The following ADCK2 variants were observed in gnomAD, a reference collection of about 807,000 sequenced individuals.
The protein encoded by ADCK2 is uncharacterized aarF domain-containing protein kinase 2.
ADCK2 carries 37 observed loss-of-function variants against 52.3 expected under a neutral mutation model. The ratio of observed to expected loss-of-function variants is 0.71; its 90% CI spans 0.54 to 0.93. The LOEUF (loss-of-function observed/expected upper bound fraction) is 0.93, where lower values mean the gene tolerates loss of function less well. Among genes scored for constraint, ADCK2 ranks in the 40% least tolerant of loss-of-function variants. The probability of loss-of-function intolerance (pLI) is 0.00; values close to 1 mark genes in which losing one functional copy is unlikely to be tolerated. For synonymous variants in ADCK2, 321 were observed against 349.2 expected, an observed-to-expected ratio of 0.92 and a Z score of 0.90; for missense variants, 695 against 798.7, an observed-to-expected ratio of 0.87 and a Z score of 1.56.
chr7:140,680,843 A>C (rs904182296), intron 3 of ADCK2, among the ~76,000 whole-genome samples, 199 bp from the exon 4 acceptor site: 1 of 152,092 alleles, frequency 6.6e-6, no homozygotes, highest in African/African-American at 2.4e-5. Context: ...CCTGGGCTCA[A>C]GCAATCCTCC....
chr7:140,682,412 G>T (rs1475626194), intron 4 of ADCK2, among the ~76,000 whole-genome samples: 1 of 152,132 alleles, frequency 6.6e-6, no homozygotes, highest in African/African-American at 2.4e-5. Flanking sequence ...AGAGACGAAA[G>T]CACTTAGTAT....
rs1794463779 is a variant in ADCK2, at chr7:140,678,637, C to T, written c.1081-518C>T. Among the ~76,000 whole-genome samples the T allele has an allele frequency of 6.6e-6, 1 of 152,146 alleles. No homozygotes were observed. Among genetic ancestry groups the T allele is most frequent in the South Asian group, 2.1e-4 (1 of 4,828 alleles). On this transcript the variant is annotated intron_variant, in intron 2 of 7. Transcript: ENST00000072869. This position sits in a 1 kb window ranked among gnomAD's most constrained non-coding sequence, Gnocchi z 4.9. ...AGCAGCGGCACCAGCCCTGGATGCC[C>T]ACAGAGGTTGATGATAAACCTGGAA...
intron 7 of ADCK2, among the ~76,000 whole-genome samples, chr7:140,692,467 C>T (rs1450340115): frequency 2.6e-5 from 4 of 152,210 alleles, no homozygotes; most frequent in Non-Finnish European, 4.4e-5. Flanking sequence ...AAGCAATTCT[C>T]GTGCCTCAGC....
chr7:140,694,124 C>T (rs1372059412), intron 7 of ADCK2, among the ~76,000 whole-genome samples: 3 of 152,110 alleles, frequency 2.0e-5, no homozygotes, highest in Non-Finnish European at 4.4e-5. Context: ...AGTTCGAGAT[C>T]AGCCTCGTCA....
At chr7:140,685,373 C>A (rs1429035131) in intron 4 of ADCK2, among the ~76,000 whole-genome samples, 1 of 151,918 alleles carries the variant, frequency 6.6e-6, no homozygotes, top group Admixed American at 6.6e-5. Context: ...TCGCTTGAAC[C>A]CAAGAAGTGG....
Position 140,694,537 on chromosome 7 carries a change from G to C in ADCK2, c.1741-126G>C, listed in dbSNP as rs1423370885. ...GACGCGGTAGAGAAGAGAATGTCAG[G>C]TAGATGGTAAACATCCCGTGGGCAG... On this transcript the variant is annotated intron_variant, in intron 7 of 7. Transcript: ENST00000072869. The C allele has an allele frequency of 9.1e-6, 8 of 874,922 alleles. No individual in the cohort carries two copies. In the Admixed American group the frequency reaches 1.9e-4, roughly 21 times the overall value. 54.2% of individuals were successfully genotyped at this position (874,922 alleles called of 1,614,324 possible).
chr7:140,679,662 CTTTTTTTTTTTTT>C lies in ADCK2; in HGVS notation c.1209+395_1209+407del, dbSNP rs57302302. 8.0e-5 allele frequency among the ~76,000 whole-genome samples: 6 copies of C among 75,370 alleles called. 1 individual carries two copies. The East Asian group carries it at 9.2e-4, about 12-fold the overall frequency. The allele number at this position is 75,370 out of a possible 152,430, so 49.4% of individuals were successfully genotyped here. A position where few individuals can be genotyped will look rare whatever the true frequency, so the allele number is the denominator to read the frequency against. On this transcript the variant is annotated intron_variant, in intron 3 of 7. Transcript: ENST00000072869. ...TCTACTCTAGTTCAGCCTTCTCTCT[CTTTTTTTTTTTTT>C]TTTTTTTTTTTTTTTGAGATAGAGT... is the stretch of plus-strand genomic sequence containing the variant.
In ADCK2 at chr7:140,678,540, C is replaced by T. The variant is rs946872188; in HGVS notation, c.1081-615C>T. ...AGGAGACCCAGCCAAGACAGGACAG[C>T]GAGAGGCAGCAGGGGTGCCAGGAGA... On this transcript the variant is annotated intron_variant, in intron 2 of 7. Coordinates refer to ENST00000072869, the MANE Select transcript of ADCK2 (RefSeq NM_052853.4). This position sits in a 1 kb window ranked among gnomAD's most constrained non-coding sequence, Gnocchi z 4.9. Among the ~76,000 whole-genome samples the T allele has an allele frequency of 3.3e-5, 5 of 152,072 alleles. No homozygotes were observed. Among genetic ancestry groups the T allele is most frequent in the African/African-American group, 7.2e-5 (3 of 41,394 alleles).
At chr7:140,690,850 T>C (rs1295805056) in intron 7 of ADCK2, 37 bp downstream of exon 7, 4 of 1,599,970 alleles carry the variant, frequency 2.5e-6, no homozygotes, top group Non-Finnish European at 3.4e-6. Context: ...CTGGGGAAGG[T>C]GGGACGGGGC....
intron 7 of ADCK2, 75 bp downstream of exon 7, chr7:140,690,888 T>C: frequency 1.5e-6 from 2 of 1,318,464 alleles, no homozygotes; most frequent in South Asian, 1.3e-5. Context: ...CACAGGGTGG[T>C]GGGAGGCGCT....
In ADCK2 at chr7:140,687,177, C is replaced by T. The variant is rs146236319; in HGVS notation, c.1493C>T (p.Ala498Val). ...RLVLLDAGIVAELQAPDLRNF... is the reference protein window; with the variant it reads ...RLVLLDAGIVVELQAPDLRNF... ...GTGCTGCTGGATGCTGGCATTGTGG[C>T]GGAGCTGCAGGCCCCTGACCTGAGG... Residue 498 changes from alanine to valine, a missense_variant, in exon 5 of 8, where the codon GCG becomes GTG. Transcript: ENST00000072869. 70 of 1,600,870 alleles carry T rather than the reference C, an allele frequency of 4.4e-5. No homozygotes were observed. In the South Asian group the frequency reaches 5.1e-4, roughly 12 times the overall value.
At chr7:140,690,383 A>G (rs1379350861) in intron 6 of ADCK2, among the ~76,000 whole-genome samples, 6 of 151,960 alleles carry the variant, frequency 3.9e-5, no homozygotes, top group Admixed American at 3.9e-4. Context: ...TTATATTTCT[A>G]GTAGAAATGG....
At chr7:140,684,706 C>T (rs755869732) in intron 4 of ADCK2, among the ~76,000 whole-genome samples, 2 of 152,010 alleles carry the variant, frequency 1.3e-5, no homozygotes, top group Non-Finnish European at 2.9e-5. Context: ...ACAGCACGCA[C>T]GCACATGCGG....
chr7:140,673,501 G>T lies in ADCK2; in HGVS notation c.171G>T (p.Val57=). 1 of 1,603,064 alleles carries T rather than the reference G, an allele frequency of 6.2e-7. No individual in the cohort carries two copies. Residue 57 remains valine, a synonymous_variant, in exon 1 of 8, where the codon GTG becomes GTT. Transcript: ENST00000072869. The surrounding 1 kb of genome is among the most constrained non-coding windows in gnomAD (Gnocchi z 6.4). ...LPKVVSLCGD[V]GEGAPDVLSR... The stretch of plus-strand genomic sequence containing the variant: ...AGGTCGTCTCCCTGTGCGGGGACGT[G>T]GGTGAGGGGGCCCCTGACGTTCTGA...
At chr7:140,694,559 G>A (rs900135596) in intron 7 of ADCK2, 104 bp from the exon 8 acceptor site, 1 of 1,094,718 alleles carries the variant, frequency 9.1e-7, no homozygotes, top group African/African-American at 1.6e-5. Context: ...CATCCCGTGG[G>A]CAGGTCTGAG....
chr7:140,693,129 C>A lies in ADCK2; in HGVS notation c.1741-1534C>A, dbSNP rs1037593351. Among the ~76,000 whole-genome samples the A allele has an allele frequency of 1.3e-5, 2 of 152,154 alleles. No individual in the cohort carries two copies. Among genetic ancestry groups the A allele is most frequent in the African/African-American group, 4.8e-5 (2 of 41,420 alleles). ...TTGGCCATTTGTATAATATATCTTCCTTAGAAGAAATATCTATTCAGGTAG... is the reference window on the plus strand; with the variant it reads ...TTGGCCATTTGTATAATATATCTTCATTAGAAGAAATATCTATTCAGGTAG... On this transcript the variant is annotated intron_variant, in intron 7 of 7. Coordinates refer to ENST00000072869, the MANE Select transcript of ADCK2 (RefSeq NM_052853.4). The surrounding 1 kb of genome is among the most constrained non-coding windows in gnomAD (Gnocchi z 4.0).
intron 2 of ADCK2, among the ~76,000 whole-genome samples, chr7:140,677,709 C>T (rs952277405): frequency 2.0e-5 from 3 of 152,074 alleles, no homozygotes; most frequent in Non-Finnish European, 4.4e-5. Context: ...CTGAGGGAGG[C>T]CCTGGAAGCA....
intron 6 of ADCK2, 76 bp from the exon 7 acceptor site, chr7:140,690,684 G>C (rs1402929980): frequency 7.2e-7 from 1 of 1,387,744 alleles, no homozygotes; most frequent in Non-Finnish European, 1.0e-6. Context: ...CTGGGGCTGA[G>C]AGTGTGGGGG....
intron 4 of ADCK2, among the ~76,000 whole-genome samples, chr7:140,685,727 G>A (rs1442008925): frequency 6.6e-6 from 1 of 152,122 alleles, no homozygotes; most frequent in Non-Finnish European, 1.5e-5. Context: ...AGTGCTTGGG[G>A]CCCCATGTCA....
Sources: allele counts gnomAD v4.1 joint callset (sites outside exome capture counted in the v4.1 genomes callset), GRCh38; gene constraint gnomAD v4.1.1; non-coding constraint Gnocchi (gnomAD v3.1); transcripts MANE v1.5; gene names NCBI Gene and HGNC (gene_info 2026-07-23, HGNC 2026-07-21).